The following MEGF8 variants were observed in gnomAD, a reference collection of about 807,000 sequenced individuals.
MEGF8 encodes multiple epidermal growth factor-like domains protein 8.
A neutral mutation model predicts 302.9 loss-of-function variants in MEGF8; 156 were observed. That is an observed-to-expected ratio of 0.52 (90% CI 0.45 to 0.59). The LOEUF is 0.59. Among genes scored for constraint, MEGF8 ranks in the 20% least tolerant of loss-of-function variants. The pLI, the probability that MEGF8 is intolerant of heterozygous loss-of-function variation, is 0.00. For missense variants in MEGF8, 3,345 were observed against 3,964.5 expected, an observed-to-expected ratio of 0.84 and a Z score of 4.20; for synonymous variants, 1,621 against 1,660.5, an observed-to-expected ratio of 0.98 and a Z score of 0.58.
In MEGF8 at chr19:42,378,714, A is replaced by G. The variant is rs143324344; in HGVS notation, c.*1939A>G. 303 of 153,914 alleles carry G rather than the reference A, an allele frequency of 2.0e-3. No homozygotes were observed. The highest frequency in any genetic ancestry group is 3.1e-3 in the Admixed American group (48 of 15,308). The allele number at this position is 153,914 out of a possible 1,614,324, so 9.5% of individuals were successfully genotyped here. On this transcript the variant is annotated 3_prime_UTR_variant, in exon 42 of 42. Coordinates refer to ENST00000251268, the MANE Select transcript of MEGF8 (RefSeq NM_001271938.2). ...GCATGTCAGAGGTGGTGGGGACCAC[A>G]TCAGAAGAAGAGGGGGGTGATGAAA... is the stretch of plus-strand genomic sequence containing the variant.
At chr19:42,350,985 C>T (rs1309146655) in intron 15 of MEGF8, 1 of 572,400 alleles carries the variant, frequency 1.7e-6, no homozygotes, top group East Asian at 3.0e-5. Context: ...ATAAGCCCCA[C>T]CCGGACCACA....
chr19:42,369,106 A>G lies in MEGF8; in HGVS notation c.6641+104A>G, dbSNP rs1433537658. 2.8e-6 allele frequency: 4 copies of G among 1,418,878 alleles called. No homozygotes were observed. Among genetic ancestry groups the G allele is most frequent in the East Asian group, 4.7e-5 (2 of 42,572 alleles). The allele number at this position is 1,418,878 out of a possible 1,614,324, so 87.9% of individuals were successfully genotyped here. ...AGCCAAGCAGGACAGAAGAAAAGAA[A>G]GCTCGAGGCATGAAGGCAGTGGGAT... On this transcript the variant is annotated intron_variant, in intron 37 of 41. Transcript: ENST00000251268. This position sits in a 1 kb window ranked among gnomAD's most constrained non-coding sequence, Gnocchi z 5.7.
chr19:42,353,644 C>G lies in MEGF8; in HGVS notation c.3730C>G (p.Leu1244Val). ...CCACACCGAGGGTGCCCACTGCCAGCTCTGCTCCCCAGGCTATTATGGGGA... is the reference window on the plus strand; with the variant it reads ...CCACACCGAGGGTGCCCACTGCCAGGTCTGCTCCCCAGGCTATTATGGGGA... ...QDHTEGAHCQLCSPGYYGDPR... is the reference protein window; with the variant it reads ...QDHTEGAHCQVCSPGYYGDPR... The change falls in exon 21 of 42, where the codon CTC becomes GTC. Residue 1244 changes from leucine to valine, a missense_variant. Transcript: ENST00000251268. This position sits in a 1 kb window ranked among gnomAD's most constrained non-coding sequence, Gnocchi z 6.1. 3 of 1,580,804 alleles carry G rather than the reference C, an allele frequency of 1.9e-6. No individual in the cohort carries two copies. Among genetic ancestry groups the G allele is most frequent in the Non-Finnish European group, 2.6e-6 (3 of 1,161,222 alleles).
rs1157694798 is a variant in MEGF8 at position 42,348,346 on chromosome 19, C to T, written c.2172C>T (p.Gly724=). Residue 724 remains glycine, a synonymous_variant, in exon 13 of 42, where the codon GGC becomes GGT. Coordinates refer to ENST00000251268, the MANE Select transcript of MEGF8 (RefSeq NM_001271938.2). ...AETDVSLVYR[G]FIYPMLPGGP... is the part of the protein sequence containing the mutation. ...CAGATGTGTCCCTGGTCTACCGTGG[C>T]TTCATCTACCCAATGCTGCCTGGAG... 2.0e-6 allele frequency: 3 copies of T among 1,537,482 alleles called. No homozygotes were observed. The highest frequency in any genetic ancestry group is 2.7e-5 in the African/African-American group (2 of 73,160).
At position 42,368,359 on chromosome 19, in the gene MEGF8, A is replaced by C; in HGVS notation, c.6274-96A>C. 1 of 1,093,008 alleles carries C rather than the reference A, an allele frequency of 9.1e-7. No homozygotes were observed. Among genetic ancestry groups the C allele is most frequent in the African/African-American group, 1.6e-5 (1 of 63,074 alleles). The allele number at this position is 1,093,008 out of a possible 1,614,324, so 67.7% of individuals were successfully genotyped here. On this transcript the variant is annotated intron_variant, in intron 35 of 41. Transcript: ENST00000251268. The surrounding 1 kb of genome is among the most constrained non-coding windows in gnomAD (Gnocchi z 4.9). ...GCCAGGGAGGGGTGAGACCTCAAAG[A>C]GGGTGTGGTCTGGGAAGATACCCAG...
chr19:42,372,047 ACAAC>A (rs2147512906), intron 41 of MEGF8, among the ~76,000 whole-genome samples: 1 of 146,204 alleles, frequency 6.8e-6, no homozygotes, highest in African/African-American at 2.5e-5. Flanking sequence ...CAAAACAACA[ACAAC>A]AACAACAACA....
Position 42,325,922 on chromosome 19 carries a change from TGGG to T in MEGF8, c.-321_-319del, listed in dbSNP as rs1443970165. 3.4e-6 allele frequency: 1 copy of T among 294,988 alleles called. No individual in the cohort carries two copies. The highest frequency in any genetic ancestry group is 6.2e-6 in the Non-Finnish European group (1 of 160,510). The allele number at this position is 294,988 out of a possible 1,614,324, so 18.3% of individuals were successfully genotyped here. Reference sequence around the variant, plus strand: ...CTGCAGCAGCCTGAGTCCGTAATGCTGGGCACTGTTCATGGGATCGGCCCCCTA... The same window carrying T: ...CTGCAGCAGCCTGAGTCCGTAATGCTCACTGTTCATGGGATCGGCCCCCTA... On this transcript the variant is annotated 5_prime_UTR_variant, in exon 1 of 42. Transcript: ENST00000251268.
At chr19:42,347,669 T>C (rs2147469791) in intron 12 of MEGF8, among the ~76,000 whole-genome samples, 1 of 152,228 alleles carries the variant, frequency 6.6e-6, no homozygotes, top group East Asian at 1.9e-4. Flanking sequence ...ATTTTTTGTA[T>C]TTAGTAGAGA....
In MEGF8 at chr19:42,357,068, C is replaced by T. The variant is rs530313148; in HGVS notation, c.4830+87C>T. On this transcript the variant is annotated intron_variant, in intron 27 of 41. Coordinates refer to ENST00000251268, the MANE Select transcript of MEGF8 (RefSeq NM_001271938.2). This position sits in a 1 kb window ranked among gnomAD's most constrained non-coding sequence, Gnocchi z 5.2. ...TGGTAGCTCCTGCCAGCTCCATCCC[C>T]AGAGGAAACAGAAGCCCCAAACTTG... 9.9e-4 allele frequency: 1,307 copies of T among 1,321,360 alleles called. 7 individuals carry two copies. The highest frequency in any genetic ancestry group is 2.1e-3 in the African/African-American group (141 of 68,038). The allele number at this position is 1,321,360 out of a possible 1,614,324, so 81.9% of individuals were successfully genotyped here.
rs752713774 is a variant in MEGF8, at chr19:42,350,372, C to T, written c.2724C>T (p.His908=). The T allele has an allele frequency of 1.9e-5, 29 of 1,553,662 alleles. No homozygotes were observed. In the Admixed American group the frequency reaches 2.6e-4, roughly 14 times the overall value. ...CPLCEEHRDC[H]ACTQDPFCEW... ...TCTGCGAGGAGCATCGGGACTGCCACGCCTGCACCCAGGTGCCTGTGGGGC... is the reference window on the plus strand; with the variant it reads ...TCTGCGAGGAGCATCGGGACTGCCATGCCTGCACCCAGGTGCCTGTGGGGC... Residue 908 remains histidine, a synonymous_variant, in exon 15 of 42, where the codon CAC becomes CAT. Coordinates refer to ENST00000251268, the MANE Select transcript of MEGF8 (RefSeq NM_001271938.2).
In MEGF8 at chr19:42,351,708, G is replaced by T. The variant is rs1444596040; in HGVS notation, c.3048G>T (p.Leu1016=). 6.3e-7 allele frequency: 1 copy of T among 1,595,858 alleles called. No homozygotes were observed. ...GCTTCCTGACCTGCCATGAGTGTCT[G>T]CAGAGCCACGAGTGTGGCTGGTGTG... ...CDGFLTCHEC[L]QSHECGWCGN... The change falls in exon 18 of 42, where the codon CTG becomes CTT. Residue 1016 remains leucine, a synonymous_variant. Coordinates refer to ENST00000251268, the MANE Select transcript of MEGF8 (RefSeq NM_001271938.2). This position sits in a 1 kb window ranked among gnomAD's most constrained non-coding sequence, Gnocchi z 5.6.
At chr19:42,347,840 C>A (rs1284549740) in intron 12 of MEGF8, among the ~76,000 whole-genome samples, 1 of 151,972 alleles carries the variant, frequency 6.6e-6, no homozygotes, top group Non-Finnish European at 1.5e-5. Context: ...TTTAAATAGC[C>A]TCCCACTGGT....
intron 1 of MEGF8, among the ~76,000 whole-genome samples, chr19:42,330,985 T>A (rs975931669): frequency 6.6e-6 from 1 of 151,950 alleles, no homozygotes; most frequent in African/African-American, 2.4e-5. Flanking sequence ...CCTAGGGTGG[T>A]AGGGAGCCAT....
In MEGF8 at chr19:42,364,039, T is replaced by C. The variant is rs146557041; in HGVS notation, c.6273+777T>C. Among the ~76,000 whole-genome samples, 6 of 152,256 alleles carry C rather than the reference T, an allele frequency of 3.9e-5. No homozygotes were observed. The East Asian group carries it at 1.2e-3, about 29-fold the overall frequency. Reference sequence around the variant, plus strand: ...AGCTACATGTCCAGCCTTGGTGTAGTGGGATGTGGCCAGGGAGGGCTAGGA... The same window carrying C: ...AGCTACATGTCCAGCCTTGGTGTAGCGGGATGTGGCCAGGGAGGGCTAGGA... On this transcript the variant is annotated intron_variant, in intron 35 of 41. Transcript: ENST00000251268.
At chr19:42,330,406 A>G (rs1422012319) in intron 1 of MEGF8, among the ~76,000 whole-genome samples, 1 of 152,146 alleles carries the variant, frequency 6.6e-6, no homozygotes, top group Non-Finnish European at 1.5e-5. Flanking sequence ...CTTAACAAAG[A>G]TGTACTTGTG....
In MEGF8 at chr19:42,356,600, CG is replaced by C; in HGVS notation, c.4622+151del. 2.1e-6 allele frequency: 2 copies of C among 964,234 alleles called. No individual in the cohort carries two copies. Among genetic ancestry groups the C allele is most frequent in the East Asian group, 5.3e-5 (2 of 37,898 alleles). The allele number at this position is 964,234 out of a possible 1,614,324, so 59.7% of individuals were successfully genotyped here. A position where few individuals can be genotyped will look rare whatever the true frequency, so the allele number is the denominator to read the frequency against. ...GGACACTTGTCACAGGAAGCTCACC[CG>C]GGGACACTTGGGGACCAGGGTACTT... is the stretch of plus-strand genomic sequence containing the variant. On this transcript the variant is annotated intron_variant, in intron 26 of 41. Coordinates refer to ENST00000251268, the MANE Select transcript of MEGF8 (RefSeq NM_001271938.2). The surrounding 1 kb of genome is among the most constrained non-coding windows in gnomAD (Gnocchi z 5.2).
Position 42,358,239 on chromosome 19 carries a change from C to G in MEGF8, c.5107C>G (p.Pro1703Ala). Residue 1703 changes from proline to alanine, a missense_variant, in exon 29 of 42, where the codon CCC (proline) becomes GCC (alanine). Coordinates refer to ENST00000251268, the MANE Select transcript of MEGF8 (RefSeq NM_001271938.2). The surrounding 1 kb of genome is among the most constrained non-coding windows in gnomAD (Gnocchi z 4.4). ...RFHVELAAPS[P>A]ELYSLHCPDR... ...CCATGTGGAGCTGGCGGCCCCATCC[C>G]CCGAGCTCTACTCCCTGCACTGTCC... 6.2e-7 allele frequency: 1 copy of G among 1,600,768 alleles called. No individual in the cohort carries two copies. Among genetic ancestry groups the G allele is most frequent in the Non-Finnish European group, 8.5e-7 (1 of 1,174,702 alleles).
In MEGF8 at chr19:42,352,107, T is replaced by C; in HGVS notation, c.3102-101T>C. On this transcript the variant is annotated intron_variant, in intron 18 of 41. Coordinates refer to ENST00000251268, the MANE Select transcript of MEGF8 (RefSeq NM_001271938.2). The surrounding 1 kb of genome is among the most constrained non-coding windows in gnomAD (Gnocchi z 4.4). ...CTCTCTTTCCAAATTTGTATTTGCA[T>C]CCCTCTCCTTCCAATTGGCCTCCTC... is the stretch of plus-strand genomic sequence containing the variant. The C allele has an allele frequency of 7.3e-7, 1 of 1,367,524 alleles. No homozygotes were observed. The highest frequency in any genetic ancestry group is 1.5e-5 in the African/African-American group (1 of 68,182). 84.7% of individuals were successfully genotyped at this position (1,367,524 alleles called of 1,614,324 possible). A position where few individuals can be genotyped will look rare whatever the true frequency, so the allele number is the denominator to read the frequency against.
chr19:42,376,385 G>A lies in MEGF8; in HGVS notation c.8148G>A (p.Lys2716=). ...CTACTGCCCCGGCCTCCGCCTGGAA[G>A]CCGGCTGGGCTCCCACCTCCCGCCT... ...PDPTAPASAW[K]PAGLPPPAFR... Residue 2716 remains lysine, a synonymous_variant, in exon 42 of 42, where the codon AAG becomes AAA. Transcript: ENST00000251268. The surrounding 1 kb of genome is among the most constrained non-coding windows in gnomAD (Gnocchi z 8.2). 2 of 1,613,090 alleles carry A rather than the reference G, an allele frequency of 1.2e-6. No homozygotes were observed.
Sources: allele counts gnomAD v4.1 joint callset (sites outside exome capture counted in the v4.1 genomes callset), GRCh38; gene constraint gnomAD v4.1.1; non-coding constraint Gnocchi (gnomAD v3.1); transcripts MANE v1.5; gene names NCBI Gene and HGNC (gene_info 2026-07-23, HGNC 2026-07-21).